Variants in XXYLT1 observed in about 807,000 individuals in gnomAD.
The protein encoded by XXYLT1 is UDP-xylose:alpha-xyloside alpha-1,3-xylosyltransferase.
Under a neutral mutation model 28.9 loss-of-function variants are expected in XXYLT1, and 20 were observed. That is an observed-to-expected ratio of 0.69 (90% CI 0.49 to 1.00). The LOEUF (loss-of-function observed/expected upper bound fraction) is 1.00, where lower values mean the gene tolerates loss of function less well. Ranked by LOEUF, XXYLT1 falls within the 50% of genes least tolerant of loss-of-function variation. The pLI, the probability that XXYLT1 is intolerant of heterozygous loss-of-function variation, is 0.00. For missense variants in XXYLT1, 542 were observed against 560.1 expected, an observed-to-expected ratio of 0.97 and a Z score of 0.33; for synonymous variants, 257 against 253.8, an observed-to-expected ratio of 1.01 and a Z score of -0.12.
chr3:195,077,227 G>A lies in XXYLT1; in HGVS notation c.786-7116C>T, dbSNP rs1007537023. Among the ~76,000 whole-genome samples, 1 of 152,164 alleles carries A rather than the reference G, an allele frequency of 6.6e-6. No homozygotes were observed. Among genetic ancestry groups the A allele is most frequent in the East Asian group, 1.9e-4 (1 of 5,180 alleles). The stretch of plus-strand genomic sequence containing the variant: ...GGGGAAGGGAAAAGCAGAGGGATGG[G>A]AGATGATGTAGGGGGCGGCACGGGG... On this transcript the variant is annotated intron_variant, in intron 3 of 3. Transcript: ENST00000310380. The surrounding 1 kb of genome is among the most constrained non-coding windows in gnomAD (Gnocchi z 4.8).
At chr3:195,141,628 G>C (rs2108647489) in intron 3 of XXYLT1, among the ~76,000 whole-genome samples, 1 of 152,310 alleles carries the variant, frequency 6.6e-6, no homozygotes. Context: ...CCTCTTCAAA[G>C]ACCGAGAGCT....
At chr3:195,226,375 C>T (rs972040029) in intron 2 of XXYLT1, among the ~76,000 whole-genome samples, 1 of 152,110 alleles carries the variant, frequency 6.6e-6, no homozygotes, top group Admixed American at 6.5e-5. Flanking sequence ...TCATCTAATC[C>T]AACCCACCAT....
intron 3 of XXYLT1, among the ~76,000 whole-genome samples, chr3:195,088,066 G>T (rs1174587335): frequency 6.4e-4 from 98 of 152,036 alleles, no homozygotes; most frequent in Admixed American, 6.4e-3. Flanking sequence ...TGCCAGCACA[G>T]CGGTCTGAGA....
At chr3:195,097,918 G>A (rs1716541255) in intron 3 of XXYLT1, among the ~76,000 whole-genome samples, 3 of 150,764 alleles carry the variant, frequency 2.0e-5, no homozygotes, top group Admixed American at 1.3e-4. Flanking sequence ...GAGGGGAACC[G>A]AGAAAGGCTC....
At chr3:195,206,718 A>AT (rs1274928006) in intron 2 of XXYLT1, among the ~76,000 whole-genome samples, 1 of 151,986 alleles carries the variant, frequency 6.6e-6, no homozygotes, top group Non-Finnish European at 1.5e-5. Context: ...GCAGTGAAAG[A>AT]TTTGGCCATT....
At chr3:195,172,414 C>G (rs914239596) in intron 2 of XXYLT1, among the ~76,000 whole-genome samples, 1 of 152,214 alleles carries the variant, frequency 6.6e-6, no homozygotes, top group Non-Finnish European at 1.5e-5. Flanking sequence ...GGGGAAGTAC[C>G]AAGCCGGAAC....
intron 3 of XXYLT1, among the ~76,000 whole-genome samples, chr3:195,083,338 C>T (rs531711196): frequency 1.3e-5 from 2 of 152,252 alleles, no homozygotes; most frequent in South Asian, 2.1e-4. Context: ...CAGAACCTCT[C>T]GAAAGACTCC....
chr3:195,162,735 G>A (rs754987840), intron 2 of XXYLT1, among the ~76,000 whole-genome samples: 3 of 152,212 alleles, frequency 2.0e-5, no homozygotes, highest in African/African-American at 4.8e-5. Flanking sequence ...CTTTAGGATA[G>A]GACAGAATTT....
intron 1 of XXYLT1, among the ~76,000 whole-genome samples, chr3:195,233,748 T>A (rs1316086122): frequency 6.6e-6 from 1 of 152,258 alleles, no homozygotes; most frequent in Non-Finnish European, 1.5e-5. Context: ...GTTTATCTTT[T>A]CATCTTTGTA....
rs1721518686 is a variant in XXYLT1, at chr3:195,173,625, A to C, written c.653-17044T>G. Among the ~76,000 whole-genome samples, 1 of 152,142 alleles carries C rather than the reference A, an allele frequency of 6.6e-6. No individual in the cohort carries two copies. The highest frequency in any genetic ancestry group is 2.4e-5 in the African/African-American group (1 of 41,420). ...TGGCCAGTGAGCTTCCCACTTTTCCAAATTCCCTTCCTCCACCCTCCCCAC... is the reference window on the plus strand; with the variant it reads ...TGGCCAGTGAGCTTCCCACTTTTCCCAATTCCCTTCCTCCACCCTCCCCAC... On this transcript the variant is annotated intron_variant, in intron 2 of 3. Coordinates refer to ENST00000310380, the MANE Select transcript of XXYLT1 (RefSeq NM_152531.5). The surrounding 1 kb of genome is among the most constrained non-coding windows in gnomAD (Gnocchi z 4.3).
At chr3:195,175,764 T>C in intron 2 of XXYLT1, 3 of 1,523,074 alleles carry the variant, frequency 2.0e-6, no homozygotes, top group East Asian at 2.5e-5. Flanking sequence ...CCTCAGCCAC[T>C]GCTCCCCTGG....
At chr3:195,258,753 G>A (rs577179891) in intron 1 of XXYLT1, among the ~76,000 whole-genome samples, 29 of 152,218 alleles carry the variant, frequency 1.9e-4, no homozygotes, top group Non-Finnish European at 4.0e-4. Context: ...ATAAGGCTAA[G>A]GCATCCTGTG....
chr3:195,113,819 G>A (rs574961727), intron 3 of XXYLT1, among the ~76,000 whole-genome samples: 7 of 152,256 alleles, frequency 4.6e-5, no homozygotes, highest in African/African-American at 1.7e-4. Context: ...GGAGCCCTGG[G>A]CATTCTGATA....
Position 195,256,532 on chromosome 3 carries a change from A to T in XXYLT1, c.504+14023T>A. 1 of 985,390 alleles carries T rather than the reference A, an allele frequency of 1.0e-6. No individual in the cohort carries two copies. Among genetic ancestry groups the T allele is most frequent in the Non-Finnish European group, 1.2e-6 (1 of 829,910 alleles). The allele number at this position is 985,390 out of a possible 1,614,324, so 61.0% of individuals were successfully genotyped here. On this transcript the variant is annotated intron_variant, in intron 1 of 3. Transcript: ENST00000310380. This position sits in a 1 kb window ranked among gnomAD's most constrained non-coding sequence, Gnocchi z 4.2. ...AGGGTCATTCCAGGGATTATCCCAG[A>T]AAGAGGGGAAGAGCAGCCTCCTCAC...
chr3:195,175,567 G>A (rs1209033406), intron 2 of XXYLT1: 9 of 1,535,070 alleles, frequency 5.9e-6, no homozygotes, highest in Admixed American at 2.0e-5. Context: ...TAGGACACAG[G>A]TCTGGGTGTT....
chr3:195,271,146 C>T lies in XXYLT1; in HGVS notation c.-88G>A, dbSNP rs1476741817. On this transcript the variant is annotated 5_prime_UTR_variant, in exon 1 of 4. An upstream open reading frame in the 5' UTR gains an earlier in-frame stop. Transcript: ENST00000310380. Reference sequence around the variant, plus strand: ...GCCGGCGGCCACTTAGCCCCGGCGCCAGGCGGCGGCCATGAAAGGGGCGGG... The same window carrying T: ...GCCGGCGGCCACTTAGCCCCGGCGCTAGGCGGCGGCCATGAAAGGGGCGGG... The T allele has an allele frequency of 3.2e-6, 4 of 1,254,358 alleles. No individual in the cohort carries two copies. The allele number at this position is 1,254,358 out of a possible 1,614,324, so 77.7% of individuals were successfully genotyped here. A position where few individuals can be genotyped will look rare whatever the true frequency, so the allele number is the denominator to read the frequency against.
At chr3:195,099,062 C>T (rs1188065026) in intron 3 of XXYLT1, among the ~76,000 whole-genome samples, 1 of 152,218 alleles carries the variant, frequency 6.6e-6, no homozygotes, top group Non-Finnish European at 1.5e-5. Flanking sequence ...AAAGGAAAAA[C>T]TGTGGTAGCA....
chr3:195,224,234 G>A (rs1426161617), intron 2 of XXYLT1, among the ~76,000 whole-genome samples: 1 of 152,206 alleles, frequency 6.6e-6, no homozygotes, highest in East Asian at 1.9e-4. Context: ...TGTTTGGGTC[G>A]GCTGGAGGCA....
intron 3 of XXYLT1, among the ~76,000 whole-genome samples, chr3:195,103,342 A>G (rs9799333): frequency 0.14 from 6,715 of 47,292 alleles, 1,016 homozygotes; most frequent in Middle Eastern, 0.19. Flanking sequence ...CACGCCAGCG[A>G]CCTGCGTCCA....
Sources: gnomAD v4.1 joint callset for allele counts (sites outside exome capture counted in the v4.1 genomes callset) on GRCh38, gnomAD v4.1.1 for gene constraint, Gnocchi (gnomAD v3.1) non-coding constraint, MANE v1.5 for transcripts, NCBI Gene and HGNC (gene_info 2026-07-23, HGNC 2026-07-21) for gene names.